The following SS18 variants were observed in gnomAD, a reference collection of about 807,000 sequenced individuals.
SS18 encodes the protein protein SSXT.
In SS18, 28 loss-of-function variants were observed where a neutral mutation model predicts 72.5. That is an observed-to-expected ratio of 0.39 (90% CI 0.29 to 0.53). The LOEUF (loss-of-function observed/expected upper bound fraction) is 0.53. SS18 is among the 20% of genes least tolerant of loss of function. The pLI is 0.76. For synonymous variants in SS18, 172 were observed against 164.2 expected, an observed-to-expected ratio of 1.05 and a Z score of -0.37; for missense variants, 518 against 535.3, an observed-to-expected ratio of 0.97 and a Z score of 0.32.
At chr18:26,046,676 T>C (rs2053829731) in intron 5 of SS18, among the ~76,000 whole-genome samples, 1 of 152,228 alleles carries the variant, frequency 6.6e-6, no homozygotes, top group Admixed American at 6.5e-5. Context: ...AGCATTATCA[T>C]TTTTCATTTC....
intron 5 of SS18, among the ~76,000 whole-genome samples, chr18:26,043,357 G>T (rs1332017769): frequency 6.6e-6 from 1 of 151,992 alleles, no homozygotes; most frequent in Non-Finnish European, 1.5e-5. Flanking sequence ...TAAAATATAA[G>T]AAATTTCTTC....
chr18:26,054,260 G>T lies in SS18; in HGVS notation c.386-1415C>A, dbSNP rs758436078. 2.0e-4 allele frequency among the ~76,000 whole-genome samples: 30 copies of T among 152,134 alleles called. 1 individual carries two copies. Among genetic ancestry groups the T allele is most frequent in the South Asian group, 8.3e-4 (4 of 4,830 alleles). ...CACTGTTGGTTAAATCCATGGATGTGAAATTCATAAATGCAGAACTGATGG... is the reference window on the plus strand; with the variant it reads ...CACTGTTGGTTAAATCCATGGATGTTAAATTCATAAATGCAGAACTGATGG... On this transcript the variant is annotated intron_variant, in intron 4 of 10. Transcript: ENST00000415083.
chr18:26,060,360 G>A (rs1288095142), intron 3 of SS18, among the ~76,000 whole-genome samples: 3 of 152,188 alleles, frequency 2.0e-5, no homozygotes, highest in Non-Finnish European at 4.4e-5. Flanking sequence ...CAGAGAGACA[G>A]AAAGTAGATT....
At chr18:26,084,471 T>A (rs1352904322) in intron 2 of SS18, among the ~76,000 whole-genome samples, 1 of 152,182 alleles carries the variant, frequency 6.6e-6, no homozygotes, top group African/African-American at 2.4e-5. Flanking sequence ...CTCAAGGTAT[T>A]AGATACATAT....
chr18:26,025,258 T>C (rs1247277340), intron 10 of SS18, among the ~76,000 whole-genome samples: 2 of 152,224 alleles, frequency 1.3e-5, no homozygotes, highest in Middle Eastern at 3.4e-3. Flanking sequence ...GAAACATCTA[T>C]ATTAGAAAGA....
At position 26,035,199 on chromosome 18, in the gene SS18, C is replaced by T; in HGVS notation, c.974-72G>A. The stretch of plus-strand genomic sequence containing the variant: ...AAGTAACTTTTTTCCCTCTAAGATG[C>T]ATAGCCAACAACACAAGAACAAAAT... On this transcript the variant is annotated intron_variant, in intron 8 of 10. Transcript: ENST00000415083. The surrounding 1 kb of genome is among the most constrained non-coding windows in gnomAD (Gnocchi z 4.4). 1 of 1,508,006 alleles carries T rather than the reference C, an allele frequency of 6.6e-7. No individual in the cohort carries two copies. Among genetic ancestry groups the T allele is most frequent in the Non-Finnish European group, 9.0e-7 (1 of 1,108,340 alleles). 93.4% of individuals were successfully genotyped at this position (1,508,006 alleles called of 1,614,324 possible). A position where few individuals can be genotyped will look rare whatever the true frequency, so the allele number is the denominator to read the frequency against.
At chr18:26,036,032 A>T in intron 7 of SS18, 109 bp from the exon 8 acceptor site, 2 of 759,684 alleles carry the variant, frequency 2.6e-6, no homozygotes, top group Non-Finnish European at 4.3e-6. Flanking sequence ...AAAGAAATGG[A>T]ACATAAAAAA....
intron 2 of SS18, chr18:26,080,178 A>T (rs1415536931): frequency 5.4e-6 from 1 of 186,890 alleles, no homozygotes; most frequent in Non-Finnish European, 1.0e-5. Context: ...AGCAGCACTA[A>T]CAGGGACCAC....
intron 2 of SS18, among the ~76,000 whole-genome samples, chr18:26,080,587 G>T (rs2054499934): frequency 6.6e-6 from 1 of 152,106 alleles, no homozygotes; most frequent in African/African-American, 2.4e-5. Flanking sequence ...ATAAACCCAG[G>T]ATCTTTTATG....
chr18:26,090,390 C>T, intron 1 of SS18, 111 bp downstream of exon 1: 1 of 1,079,708 alleles, frequency 9.3e-7, no homozygotes, highest in East Asian at 2.6e-5. Flanking sequence ...TGATTCCCAG[C>T]AGGCCCGCCT....
intron 5 of SS18, 29 bp downstream of exon 5, chr18:26,052,595 T>C (rs764764055): frequency 1.7e-5 from 26 of 1,553,596 alleles, no homozygotes; most frequent in Non-Finnish European, 2.2e-5. Context: ...TAGAGCACTC[T>C]AGTCAAGAAG....
At chr18:26,072,837 A>G (rs2054340044) in intron 3 of SS18, among the ~76,000 whole-genome samples, 1 of 151,644 alleles carries the variant, frequency 6.6e-6, no homozygotes. Flanking sequence ...AAAAGAGCTA[A>G]AAGGAAAATC....
At chr18:26,047,782 G>A (rs1031438245) in intron 5 of SS18, among the ~76,000 whole-genome samples, 1 of 151,284 alleles carries the variant, frequency 6.6e-6, no homozygotes, top group African/African-American at 2.5e-5. Context: ...GGCAGAGCTT[G>A]CAGTGAACCG....
intron 10 of SS18, among the ~76,000 whole-genome samples, chr18:26,030,612 G>T (rs1309026413): frequency 6.6e-6 from 1 of 152,108 alleles, no homozygotes; most frequent in African/African-American, 2.4e-5. Flanking sequence ...AAGTTTAGGA[G>T]ATTTGGAAAT....
intron 5 of SS18, among the ~76,000 whole-genome samples, chr18:26,051,610 C>T (rs931852740): frequency 2.0e-5 from 3 of 152,192 alleles, no homozygotes; most frequent in Non-Finnish European, 2.9e-5. Context: ...CCCTTCTGAT[C>T]TAGCACTGAC....
At chr18:26,059,552 T>C (rs1053023075) in intron 3 of SS18, among the ~76,000 whole-genome samples, 2 of 152,178 alleles carry the variant, frequency 1.3e-5, no homozygotes, top group African/African-American at 2.4e-5. Context: ...GACTGGAGTG[T>C]AGGCCCCACC....
chr18:26,064,342 T>C (rs2054175831), intron 3 of SS18, among the ~76,000 whole-genome samples: 1 of 152,016 alleles, frequency 6.6e-6, no homozygotes, highest in African/African-American at 2.4e-5. Context: ...AAATGACAGG[T>C]CAAAACATCT....
intron 3 of SS18, among the ~76,000 whole-genome samples, chr18:26,070,813 C>T (rs2054298033): frequency 6.6e-6 from 1 of 152,124 alleles, no homozygotes; most frequent in African/African-American, 2.4e-5. Flanking sequence ...TGAAAAACCC[C>T]ATTCTAGAAA....
At chr18:26,062,340 A>G (rs1383105849) in intron 3 of SS18, among the ~76,000 whole-genome samples, 1 of 152,238 alleles carries the variant, frequency 6.6e-6, no homozygotes, top group Non-Finnish European at 1.5e-5. Context: ...AAAAGTATAA[A>G]TTTAGACAAC....
Sources: gnomAD v4.1 joint callset for allele counts (sites outside exome capture counted in the v4.1 genomes callset) on GRCh38, gnomAD v4.1.1 for gene constraint, Gnocchi (gnomAD v3.1) non-coding constraint, MANE v1.5 for transcripts, NCBI Gene and HGNC (gene_info 2026-07-23, HGNC 2026-07-21) for gene names.